Variants in SGMS1 observed in about 807,000 individuals in gnomAD.
SGMS1 encodes the protein sphingomyelin synthase 1.
SGMS1 carries 13 observed loss-of-function variants against 46.2 expected under a neutral mutation model. The observed-to-expected ratio is 0.28, with a 90% CI of 0.18 to 0.45. SGMS1 has a LOEUF of 0.45. Among genes scored for constraint, SGMS1 ranks in the 20% least tolerant of loss-of-function variants. The pLI is 1.00. For missense variants in SGMS1, 324 were observed against 519.9 expected (o/e 0.62, Z 3.66); for synonymous variants, 203 against 187.8 (o/e 1.08, Z -0.66).
intron 4 of SGMS1, among the ~76,000 whole-genome samples, chr10:50,465,216 A>G (rs980928453): frequency 2.6e-5 from 4 of 152,222 alleles, no homozygotes; most frequent in African/African-American, 9.6e-5. Context: ...CTCTGCCCAA[A>G]GACCTTAGAG....
intron 2 of SGMS1, among the ~76,000 whole-genome samples, chr10:50,530,048 C>T (rs1186458585): frequency 2.6e-5 from 4 of 152,174 alleles, no homozygotes; most frequent in Non-Finnish European, 5.9e-5. Context: ...AAATAGCCAC[C>T]GTCTTTCTCA....
chr10:50,417,439 AAAATAAAAT>A (rs1310987071), intron 6 of SGMS1, among the ~76,000 whole-genome samples: 1 of 148,674 alleles, frequency 6.7e-6, no homozygotes, highest in African/African-American at 2.6e-5. Flanking sequence ...AAAATAAAAT[AAAATAAAAT>A]AAATGTCATG....
At chr10:50,437,640 A>G (rs534654613) in intron 5 of SGMS1, among the ~76,000 whole-genome samples, 1 of 152,348 alleles carries the variant, frequency 6.6e-6, no homozygotes, top group South Asian at 2.1e-4. Context: ...AGATAACACA[A>G]GAGTTACTGG....
At chr10:50,609,181 G>A (rs112516469) in intron 1 of SGMS1, among the ~76,000 whole-genome samples, 239 of 152,088 alleles carry the variant, frequency 1.6e-3, no homozygotes, top group African/African-American at 5.3e-3. Context: ...ACATTGCCTA[G>A]GCTGGTCTCG....
chr10:50,606,134 T>C (rs1838692347), intron 1 of SGMS1, among the ~76,000 whole-genome samples: 1 of 152,218 alleles, frequency 6.6e-6, no homozygotes, highest in Admixed American at 6.5e-5. Context: ...ATGTGGTATA[T>C]CCATACCATG....
chr10:50,621,984 A>G (rs777279560), intron 1 of SGMS1, among the ~76,000 whole-genome samples: 3 of 152,252 alleles, frequency 2.0e-5, no homozygotes, highest in African/African-American at 7.2e-5. Flanking sequence ...CAGGGCCTCC[A>G]GAGCTAAACA....
chr10:50,384,476 C>T (rs575915516), intron 6 of SGMS1, among the ~76,000 whole-genome samples: 1 of 151,274 alleles, frequency 6.6e-6, no homozygotes, highest in Admixed American at 6.6e-5. Flanking sequence ...TTCCTTCCCT[C>T]CTTCCCTCCA....
intron 5 of SGMS1, among the ~76,000 whole-genome samples, chr10:50,449,741 A>G: frequency 6.6e-6 from 1 of 152,042 alleles, no homozygotes; most frequent in East Asian, 1.9e-4. Context: ...CTGATCCAAC[A>G]GGTTATCAGT....
intron 7 of SGMS1, among the ~76,000 whole-genome samples, chr10:50,338,570 A>C (rs1847755121): frequency 6.6e-6 from 1 of 152,178 alleles, no homozygotes; most frequent in African/African-American, 2.4e-5. Flanking sequence ...TCCTATGAGA[A>C]AGATACTGCA....
At chr10:50,550,466 AAG>A (rs1250640298) in intron 2 of SGMS1, among the ~76,000 whole-genome samples, 10 of 152,122 alleles carry the variant, frequency 6.6e-5, no homozygotes, top group Non-Finnish European at 1.3e-4. Flanking sequence ...CTTCCTGCCA[AAG>A]AGAGTTAACA....
At chr10:50,563,922 G>A (rs1354179597) in intron 2 of SGMS1, among the ~76,000 whole-genome samples, 1 of 152,158 alleles carries the variant, frequency 6.6e-6, no homozygotes, top group African/African-American at 2.4e-5. Flanking sequence ...GGAGCAGCCT[G>A]GATGATGGCT....
At chr10:50,624,009 G>A (rs1838885857), upstream of SGMS1, 5 of 985,368 alleles carry the variant, frequency 5.1e-6, no homozygotes, top group Non-Finnish European at 6.0e-6. Flanking sequence ...CGCGCGACGC[G>A]ACTCCGCTCC....
chr10:50,312,361 G>T (rs1175903291), intron 8 of SGMS1, among the ~76,000 whole-genome samples: 1 of 148,536 alleles, frequency 6.7e-6, no homozygotes, highest in Non-Finnish European at 1.5e-5. Flanking sequence ...AAAAAGAATG[G>T]CAGATGGAGC....
chr10:50,485,444 C>T (rs1272422385), intron 3 of SGMS1, among the ~76,000 whole-genome samples: 5 of 152,152 alleles, frequency 3.3e-5, no homozygotes, highest in Admixed American at 3.3e-4. Flanking sequence ...ATAGGAAGAA[C>T]TAATATCATT....
At chr10:50,567,234 C>T (rs984203965) in intron 2 of SGMS1, among the ~76,000 whole-genome samples, 1 of 152,154 alleles carries the variant, frequency 6.6e-6, no homozygotes. Flanking sequence ...TGTGAGCCAT[C>T]GCACCCGGCC....
chr10:50,580,330 C>T (rs1838421401), intron 2 of SGMS1, among the ~76,000 whole-genome samples: 1 of 152,076 alleles, frequency 6.6e-6, no homozygotes, highest in Non-Finnish European at 1.5e-5. Context: ...ACGATGATTA[C>T]AATCTATACC....
At chr10:50,341,954 G>T (rs1411685327) in intron 7 of SGMS1, among the ~76,000 whole-genome samples, 5 of 152,084 alleles carry the variant, frequency 3.3e-5, no homozygotes, top group Admixed American at 1.3e-4. Flanking sequence ...ATTCTGATTC[G>T]TAACTGTTAA....
intron 1 of SGMS1, among the ~76,000 whole-genome samples, chr10:50,607,323 TCTA>T (rs1196467029): frequency 5.3e-5 from 8 of 152,106 alleles, no homozygotes; most frequent in Non-Finnish European, 1.0e-4. Context: ...ACATGGCAAG[TCTA>T]CTAACAATAT....
At chr10:50,622,327 T>C (rs1838859790) in intron 1 of SGMS1, among the ~76,000 whole-genome samples, 1 of 152,114 alleles carries the variant, frequency 6.6e-6, no homozygotes, top group African/African-American at 2.4e-5. Context: ...TGGGCAGCTC[T>C]AGGCAACACC....
Sources: allele counts gnomAD v4.1 joint callset (sites outside exome capture counted in the v4.1 genomes callset), GRCh38; gene constraint gnomAD v4.1.1; transcripts MANE v1.5; gene names NCBI Gene and HGNC (gene_info 2026-07-23, HGNC 2026-07-21).